Variants in LRRC4C observed in about 807,000 individuals in gnomAD.
The protein encoded by LRRC4C is leucine rich repeat containing 4C.
A neutral mutation model predicts 33.6 loss-of-function variants in LRRC4C; 5 were observed. The ratio of observed to expected loss-of-function variants is 0.15; its 90% CI spans 0.08 to 0.31. LRRC4C has a LOEUF of 0.31. Among genes scored for constraint, LRRC4C ranks in the 10% least tolerant of loss-of-function variants. The pLI, the probability that LRRC4C is intolerant of heterozygous loss-of-function variation, is 1.00. For missense variants in LRRC4C, 560 were observed against 796.7 expected (o/e 0.70, Z 3.58); for synonymous variants, 329 against 302.0 (o/e 1.09, Z -0.93).
At chr11:40,881,222 A>G (rs1329938097) in intron 2 of LRRC4C, among the ~76,000 whole-genome samples, 1 of 152,088 alleles carries the variant, frequency 6.6e-6, no homozygotes, top group African/African-American at 2.4e-5. Context: ...TAATCTTTAC[A>G]AGGTTTTTAG....
intron 1 of LRRC4C, among the ~76,000 whole-genome samples, chr11:41,347,426 C>A (rs1350279313): frequency 6.6e-6 from 1 of 152,102 alleles, no homozygotes; most frequent in Non-Finnish European, 1.5e-5. Context: ...CTTATGGCAT[C>A]CCTGACTCTC....
At chr11:40,256,667 G>A (rs1867229988) in intron 4 of LRRC4C, among the ~76,000 whole-genome samples, 1 of 152,042 alleles carries the variant, frequency 6.6e-6, no homozygotes, top group African/African-American at 2.4e-5. Flanking sequence ...AATCAAGAAG[G>A]AAGATACAAT....
At chr11:40,476,339 C>A (rs377016224) in intron 3 of LRRC4C, among the ~76,000 whole-genome samples, 1 of 121,580 alleles carries the variant, frequency 8.2e-6, no homozygotes, top group Non-Finnish European at 1.7e-5. Context: ...CATTTTTTTT[C>A]TTCTTTTTTT....
intron 5 of LRRC4C, among the ~76,000 whole-genome samples, chr11:40,184,955 C>T (rs1016897754): frequency 1.1e-4 from 16 of 152,128 alleles, no homozygotes; most frequent in South Asian, 4.1e-4. Context: ...TTGTTTCACA[C>T]GATAACATTT....
chr11:40,959,814 G>A (rs765047998), intron 1 of LRRC4C, among the ~76,000 whole-genome samples: 3 of 151,596 alleles, frequency 2.0e-5, no homozygotes, highest in Non-Finnish European at 3.0e-5. Flanking sequence ...TAATGGCATC[G>A]CAGTCAGTTA....
intron 1 of LRRC4C, among the ~76,000 whole-genome samples, chr11:41,176,967 TAAAACAAAAC>T (rs138933488): frequency 0.16 from 24,157 of 147,458 alleles, 2,619 homozygotes; most frequent in East Asian, 0.41. Flanking sequence ...TCCATCTCTA[TAAAACAAAAC>T]AAAACAAAAC....
intron 1 of LRRC4C, among the ~76,000 whole-genome samples, chr11:41,415,473 C>T (rs373667003): frequency 5.3e-5 from 8 of 152,106 alleles, no homozygotes; most frequent in South Asian, 2.1e-4. Flanking sequence ...CAAGTTTAAC[C>T]GCTAATTCAC....
At chr11:40,881,424 T>C (rs1318841712) in intron 2 of LRRC4C, among the ~76,000 whole-genome samples, 1 of 152,140 alleles carries the variant, frequency 6.6e-6, no homozygotes, top group Non-Finnish European at 1.5e-5. Flanking sequence ...AAGGGTAAGA[T>C]ATATTGGGTT....
intron 1 of LRRC4C, among the ~76,000 whole-genome samples, chr11:41,183,465 A>T (rs1945546210): frequency 6.6e-6 from 1 of 152,162 alleles, no homozygotes; most frequent in Non-Finnish European, 1.5e-5. Context: ...TCTGAAATCC[A>T]GCGGGTCAGT....
intron 3 of LRRC4C, among the ~76,000 whole-genome samples, chr11:40,413,259 T>C (rs1459936517): frequency 3.3e-5 from 5 of 151,924 alleles, no homozygotes; most frequent in Non-Finnish European, 7.4e-5. Flanking sequence ...TCCATCAAGA[T>C]GACAATCTTT....
chr11:41,020,492 A>G (rs1165005699), intron 1 of LRRC4C, among the ~76,000 whole-genome samples: 1 of 152,140 alleles, frequency 6.6e-6, no homozygotes, highest in African/African-American at 2.4e-5. Context: ...AGACAGAAAC[A>G]CATAGAGGAG....
intron 1 of LRRC4C, among the ~76,000 whole-genome samples, chr11:41,226,761 C>A (rs111549808): frequency 6.6e-6 from 1 of 150,602 alleles, no homozygotes; most frequent in African/African-American, 2.5e-5. Flanking sequence ...CACACACACA[C>A]ACACACACAC....
chr11:41,036,993 A>T (rs934198351), intron 1 of LRRC4C, among the ~76,000 whole-genome samples: 1 of 145,626 alleles, frequency 6.9e-6, no homozygotes, highest in Non-Finnish European at 1.5e-5. Flanking sequence ...CTCAAACACA[A>T]TAGAAGCAAA....
chr11:40,319,433 T>C (rs531806642), intron 4 of LRRC4C, among the ~76,000 whole-genome samples, 195 bp downstream of exon 4: 3 of 152,344 alleles, frequency 2.0e-5, no homozygotes, highest in African/African-American at 7.2e-5. Context: ...ATGCTGTAGT[T>C]AAATATTATG....
chr11:41,169,101 C>T (rs1268554251), intron 1 of LRRC4C, among the ~76,000 whole-genome samples: 1 of 152,168 alleles, frequency 6.6e-6, no homozygotes, highest in African/African-American at 2.4e-5. Flanking sequence ...ACCAGATTGT[C>T]TTTGAAGTTC....
At position 40,307,600 on chromosome 11, in the gene LRRC4C, T is replaced by C. The variant is rs537783975; in HGVS notation, c.-176+12028A>G. On this transcript the variant is annotated intron_variant, in intron 4 of 6. Transcript: ENST00000528697. ...TGCCTTCTGCCATGTTGTATAGTTA[T>C]GTATATAATTGTATCATCTCTCCTG... Among the ~76,000 whole-genome samples the C allele has an allele frequency of 2.9e-4, 44 of 152,362 alleles. 1 individual carries two copies. In the South Asian group the frequency reaches 9.1e-3, roughly 32 times the overall value.
chr11:40,502,315 G>A (rs1214358063), intron 3 of LRRC4C, among the ~76,000 whole-genome samples: 1 of 152,018 alleles, frequency 6.6e-6, no homozygotes, highest in Non-Finnish European at 1.5e-5. Flanking sequence ...CCATATTTTT[G>A]GGTATCTTTT....
chr11:40,944,984 G>A (rs1381861843), intron 1 of LRRC4C, among the ~76,000 whole-genome samples: 1 of 148,318 alleles, frequency 6.7e-6, no homozygotes, highest in Non-Finnish European at 1.5e-5. Flanking sequence ...TACTGTAATA[G>A]TCATGCTCTC....
chr11:40,310,685 A>G (rs1385810572), intron 4 of LRRC4C, among the ~76,000 whole-genome samples: 2 of 152,182 alleles, frequency 1.3e-5, no homozygotes, highest in Non-Finnish European at 2.9e-5. Context: ...CACCCCCTCC[A>G]TAAAGAATTC....
Sources: allele counts gnomAD v4.1 joint callset (sites outside exome capture counted in the v4.1 genomes callset), GRCh38; gene constraint gnomAD v4.1.1; transcripts MANE v1.5; gene names NCBI Gene and HGNC (gene_info 2026-07-23, HGNC 2026-07-21).